PYY: variants seen among roughly 807,000 people sequenced by gnomAD.
The protein encoded by PYY is peptide YY.
A neutral mutation model predicts 10.3 loss-of-function variants in PYY; 12 were observed. That is an observed-to-expected ratio of 1.17 (90% CI 0.75 to 1.89). The LOEUF (loss-of-function observed/expected upper bound fraction) is 1.89, where lower values mean the gene tolerates loss of function less well. PYY is among the 40% of genes most tolerant of loss of function. PYY has a pLI of 0.00. For missense variants in PYY, 141 were observed against 134.0 expected, an observed-to-expected ratio of 1.05 and a Z score of -0.26; for synonymous variants, 66 against 62.0, an observed-to-expected ratio of 1.06 and a Z score of -0.30.
At chr17:43,960,532 C>CAAAAAAAAAAA (rs1170040925) in intron 2 of PYY, among the ~76,000 whole-genome samples, 3 of 59,004 alleles carry the variant, frequency 5.1e-5, no homozygotes, top group Admixed American at 2.8e-4. Context: ...GACTTTGTCT[C>CAAAAAAAAAAA]AAAAAAAAAA....
chr17:43,997,628 G>A (rs181370650), intron 1 of PYY, among the ~76,000 whole-genome samples: 1 of 152,218 alleles, frequency 6.6e-6, no homozygotes, highest in African/African-American at 2.4e-5. Flanking sequence ...TCAGAACAGA[G>A]GAATGACACC....
At chr17:43,956,563 G>A (rs184437640), upstream of PYY, among the ~76,000 whole-genome samples, 27 of 152,154 alleles carry the variant, frequency 1.8e-4, no homozygotes, top group Admixed American at 1.6e-3. Flanking sequence ...TCCTTGAAGG[G>A]TGGGGGACAG....
intron 1 of PYY, among the ~76,000 whole-genome samples, chr17:44,001,873 G>C (rs2049029708): frequency 6.6e-6 from 1 of 152,208 alleles, no homozygotes; most frequent in Non-Finnish European, 1.5e-5. Flanking sequence ...GGGGTGGCCT[G>C]CTGTGATGAA....
chr17:43,989,266 C>G (rs1355826635), intron 1 of PYY, among the ~76,000 whole-genome samples: 1 of 151,866 alleles, frequency 6.6e-6, no homozygotes, highest in Non-Finnish European at 1.5e-5. Flanking sequence ...CCCAGCTACT[C>G]GGGAGGCTGA....
chr17:43,977,217 A>G (rs1419225353), intron 1 of PYY, among the ~76,000 whole-genome samples: 1 of 152,066 alleles, frequency 6.6e-6, no homozygotes, highest in Non-Finnish European at 1.5e-5. Flanking sequence ...ATGGCAATTC[A>G]TTTACCCAGG....
At chr17:43,953,644 G>A (rs1054509913) in intron 1 of PYY, among the ~76,000 whole-genome samples, 161 bp from the exon 2 acceptor site, 1 of 152,110 alleles carries the variant, frequency 6.6e-6, no homozygotes, top group Non-Finnish European at 1.5e-5. Context: ...GCACTGCACC[G>A]TCTCCTGACT....
At chr17:43,992,436 C>T (rs1412604116) in intron 1 of PYY, among the ~76,000 whole-genome samples, 5 of 152,112 alleles carry the variant, frequency 3.3e-5, no homozygotes, top group Middle Eastern at 3.4e-3. Flanking sequence ...CAAGGCCAGG[C>T]GCAGTGGCTC....
intron 2 of PYY, among the ~76,000 whole-genome samples, chr17:43,965,816 A>AAAAGAG (rs1555617405): frequency 1.3e-4 from 19 of 142,614 alleles, no homozygotes; most frequent in African/African-American, 3.8e-4. Flanking sequence ...AAAAAAAAAA[A>AAAAGAG]AGAGAGAGAA....
intron 1 of PYY, among the ~76,000 whole-genome samples, chr17:43,970,784 T>C (rs1396026097): frequency 6.6e-6 from 1 of 152,236 alleles, no homozygotes; most frequent in Non-Finnish European, 1.5e-5. Flanking sequence ...ACTATAGTTC[T>C]ATCTTTTAGG....
intron 1 of PYY, among the ~76,000 whole-genome samples, chr17:43,972,259 G>T (rs2048799822): frequency 1.3e-5 from 2 of 149,948 alleles, no homozygotes; most frequent in African/African-American, 4.9e-5. Flanking sequence ...TGTCACCCAG[G>T]CTGGAGTGCA....
At chr17:43,994,966 G>A (rs1185384778) in intron 1 of PYY, among the ~76,000 whole-genome samples, 1 of 152,174 alleles carries the variant, frequency 6.6e-6, no homozygotes, top group Non-Finnish European at 1.5e-5. Context: ...AGCACCTCGG[G>A]AGGATCCCTT....
intron 1 of PYY, among the ~76,000 whole-genome samples, chr17:43,978,833 G>C (rs2048865434): frequency 6.6e-6 from 1 of 152,176 alleles, no homozygotes; most frequent in African/African-American, 2.4e-5. Context: ...GCCCCTCCCT[G>C]TGCTCCCAGC....
At chr17:43,970,458 G>A (rs965901972) in intron 1 of PYY, among the ~76,000 whole-genome samples, 2 of 151,210 alleles carry the variant, frequency 1.3e-5, no homozygotes, top group African/African-American at 4.9e-5. Context: ...AGTGAGCTGA[G>A]ATTGCACCAT....
At chr17:43,960,112 C>T (rs1567926875) in intron 2 of PYY, among the ~76,000 whole-genome samples, 1 of 152,210 alleles carries the variant, frequency 6.6e-6, no homozygotes, top group African/African-American at 2.4e-5. Flanking sequence ...ATAGCGGTAG[C>T]TTAAATATCA....
chr17:43,976,167 GCA>G (rs2048835094), intron 1 of PYY, among the ~76,000 whole-genome samples: 1 of 98,736 alleles, frequency 1.0e-5, no homozygotes, highest in African/African-American at 4.9e-5. Context: ...ATACATGCAT[GCA>G]TATATGTATA....
intron 1 of PYY, among the ~76,000 whole-genome samples, chr17:43,993,968 C>T (rs548886220): frequency 1.1e-4 from 16 of 152,200 alleles, no homozygotes; most frequent in African/African-American, 3.9e-4. Flanking sequence ...ATCCTCCCAC[C>T]TCAGCCTGCC....
chr17:43,976,258 C>CATGTACACATATACGTATATATACAT (rs2048841130), intron 1 of PYY, among the ~76,000 whole-genome samples: 1 of 139,542 alleles, frequency 7.2e-6, no homozygotes, highest in Non-Finnish European at 1.5e-5. Flanking sequence ...CATATGTATA[C>CATGTACACATATACGTATATATACAT]ATGTATACAT....
At chr17:43,958,135 CAAAAAAAAAA>C (rs10661189), upstream of PYY, 3 of 47,276 alleles carry the variant, frequency 6.3e-5, no homozygotes, top group South Asian at 1.2e-3. Flanking sequence ...CTGAATACAC[CAAAAAAAAAA>C]AAAAAAAAAA....
intron 1 of PYY, among the ~76,000 whole-genome samples, chr17:43,973,553 G>A (rs1189259105): frequency 6.6e-6 from 1 of 152,150 alleles, no homozygotes; most frequent in Non-Finnish European, 1.5e-5. Context: ...CAGCACTTTG[G>A]GAGGCCAAGG....
Sources: allele counts gnomAD v4.1 joint callset (sites outside exome capture counted in the v4.1 genomes callset), GRCh38; gene constraint gnomAD v4.1.1; transcripts MANE v1.5; gene names NCBI Gene and HGNC (gene_info 2026-07-23, HGNC 2026-07-21).